SLC10A7: variants seen among roughly 807,000 people sequenced by gnomAD.
The protein encoded by SLC10A7 is solute carrier family 10 member 7, also known as sodium/bile acid cotransporter 7.
In SLC10A7, 29 loss-of-function variants were observed where a neutral mutation model predicts 43.2. The ratio of observed to expected loss-of-function variants is 0.67; its 90% CI spans 0.50 to 0.92. The LOEUF (loss-of-function observed/expected upper bound fraction) is 0.92, where lower values mean the gene tolerates loss of function less well. Ranked by LOEUF, SLC10A7 falls within the 40% of genes least tolerant of loss-of-function variation. The pLI is 0.00. For synonymous variants in SLC10A7, 152 were observed against 144.8 expected (o/e 1.05, Z -0.35); for missense variants, 295 against 403.2 (o/e 0.73, Z 2.30).
chr4:146,404,371 A>G (rs1739428435), intron 5 of SLC10A7, among the ~76,000 whole-genome samples: 1 of 150,652 alleles, frequency 6.6e-6, no homozygotes, highest in South Asian at 2.1e-4. Context: ...AGGTCTTGTG[A>G]CTCTTGTTGA....
At chr4:146,505,419 G>T (rs912747704) in intron 3 of SLC10A7, among the ~76,000 whole-genome samples, 3 of 152,006 alleles carry the variant, frequency 2.0e-5, no homozygotes, top group Non-Finnish European at 4.4e-5. Context: ...TATAGGTAAG[G>T]CCTCCAGTCA....
rs59811977 is a variant in SLC10A7, at chr4:146,292,823, T to G, written c.773+106A>C. 4 of 738,746 alleles carry G rather than the reference T, an allele frequency of 5.4e-6. No individual in the cohort carries two copies. The East Asian group carries it at 8.6e-5, about 16-fold the overall frequency. The allele number at this position is 738,746 out of a possible 1,614,324, so 45.8% of individuals were successfully genotyped here. A position where few individuals can be genotyped will look rare whatever the true frequency, so the allele number is the denominator to read the frequency against. ...GTCAGGGAGACAGGAGAAAAACATA[T>G]GTAAAAGGAGAAAAAAATATAAACG... On this transcript the variant is annotated intron_variant, in intron 9 of 11. Transcript: ENST00000335472.
At chr4:146,373,351 G>C (rs930229328) in intron 5 of SLC10A7, among the ~76,000 whole-genome samples, 1 of 151,796 alleles carries the variant, frequency 6.6e-6, no homozygotes, top group South Asian at 2.1e-4. Context: ...AAACACACCT[G>C]TAGTCCCAGC....
intron 4 of SLC10A7, among the ~76,000 whole-genome samples, chr4:146,477,249 A>C (rs1170271557): frequency 1.3e-5 from 2 of 152,264 alleles, no homozygotes; most frequent in African/African-American, 4.8e-5. Context: ...TAAAAGCTCT[A>C]AAGCTGACTA....
At chr4:146,264,334 T>C (rs1044129753) in intron 10 of SLC10A7, among the ~76,000 whole-genome samples, 3 of 152,236 alleles carry the variant, frequency 2.0e-5, no homozygotes. Flanking sequence ...ATTTTTCTTC[T>C]TAGATTAAAT....
At chr4:146,364,001 A>T (rs1022657083) in intron 5 of SLC10A7, among the ~76,000 whole-genome samples, 3 of 152,060 alleles carry the variant, frequency 2.0e-5, no homozygotes, top group Admixed American at 6.6e-5. Context: ...AAAGATAAAG[A>T]TCAAAGCAGA....
chr4:146,443,185 A>G (rs1487191090), intron 4 of SLC10A7, among the ~76,000 whole-genome samples: 4 of 149,944 alleles, frequency 2.7e-5, no homozygotes, highest in Non-Finnish European at 5.9e-5. Context: ...AAAAATGTAT[A>G]TTATTGGAAG....
chr4:146,488,556 T>C (rs961386423), intron 4 of SLC10A7, among the ~76,000 whole-genome samples: 2 of 152,226 alleles, frequency 1.3e-5, no homozygotes, highest in African/African-American at 4.8e-5. Flanking sequence ...TTGTTTTTCA[T>C]CAATAGATTT....
intron 5 of SLC10A7, among the ~76,000 whole-genome samples, chr4:146,330,345 G>A (rs1317382476): frequency 6.6e-6 from 1 of 152,166 alleles, no homozygotes; most frequent in Non-Finnish European, 1.5e-5. Context: ...ATGTTATCAA[G>A]AGGTTTTGCT....
At chr4:146,350,407 A>C (rs749351774) in intron 5 of SLC10A7, among the ~76,000 whole-genome samples, 68,400 of 140,538 alleles carry the variant, frequency 0.49, 17,358 homozygotes, top group East Asian at 0.63. Context: ...GCTGATTGCT[A>C]GCACAGCAGT....
intron 5 of SLC10A7, among the ~76,000 whole-genome samples, chr4:146,353,991 C>T (rs935758561): frequency 2.0e-5 from 3 of 147,352 alleles, no homozygotes; most frequent in Non-Finnish European, 4.5e-5. Context: ...ACAGGGATGC[C>T]CTCTTTCACC....
At chr4:146,292,864 T>C in intron 9 of SLC10A7, 65 bp downstream of exon 9, 1 of 1,152,098 alleles carries the variant, frequency 8.7e-7, no homozygotes, top group Admixed American at 2.1e-5. Context: ...AGTGGCATAG[T>C]AGCCAAGTAG....
At chr4:146,492,156 C>T (rs1735514057) in intron 4 of SLC10A7, among the ~76,000 whole-genome samples, 1 of 151,462 alleles carries the variant, frequency 6.6e-6, no homozygotes, top group Non-Finnish European at 1.5e-5. Flanking sequence ...GGAGGCGGAG[C>T]TTGCAGTGAG....
chr4:146,396,970 C>T (rs1560869285), intron 5 of SLC10A7, among the ~76,000 whole-genome samples: 2 of 152,090 alleles, frequency 1.3e-5, no homozygotes, highest in Admixed American at 6.5e-5. Context: ...TTCAGACTTT[C>T]GGCTTTTACA....
chr4:146,314,318 G>A (rs1732177196), intron 6 of SLC10A7, among the ~76,000 whole-genome samples: 1 of 152,158 alleles, frequency 6.6e-6, no homozygotes, highest in African/African-American at 2.4e-5. Flanking sequence ...AAGAACTACT[G>A]AAATGGAAAC....
chr4:146,269,678 G>T (rs1728777856), intron 10 of SLC10A7, among the ~76,000 whole-genome samples: 1 of 152,174 alleles, frequency 6.6e-6, no homozygotes, highest in Non-Finnish European at 1.5e-5. Context: ...GAGTTTTTTA[G>T]ATGTATTTTT....
At chr4:146,286,554 C>A (rs1318387301) in intron 9 of SLC10A7, among the ~76,000 whole-genome samples, 1 of 134,530 alleles carries the variant, frequency 7.4e-6, no homozygotes, top group Non-Finnish European at 1.6e-5. Flanking sequence ...GTGAGAAGGA[C>A]TGTGTTTCGA....
intron 5 of SLC10A7, among the ~76,000 whole-genome samples, chr4:146,404,515 T>TGA (rs1553967400): frequency 6.9e-6 from 1 of 145,488 alleles, no homozygotes; most frequent in Non-Finnish European, 1.5e-5. Flanking sequence ...TGTGTGTGTG[T>TGA]GACTGGTTTA....
At chr4:146,380,643 T>C (rs945859213) in intron 5 of SLC10A7, among the ~76,000 whole-genome samples, 2 of 152,124 alleles carry the variant, frequency 1.3e-5, no homozygotes, top group Admixed American at 6.6e-5. Flanking sequence ...TGCATTGCAA[T>C]TCAAAATGTA....
Sources: allele counts gnomAD v4.1 joint callset (sites outside exome capture counted in the v4.1 genomes callset), GRCh38; gene constraint gnomAD v4.1.1; transcripts MANE v1.5; gene names NCBI Gene and HGNC (gene_info 2026-07-23, HGNC 2026-07-21).